The following MNAT1 variants were observed in gnomAD, a reference collection of about 807,000 sequenced individuals.
The protein encoded by MNAT1 is CDK-activating kinase assembly factor MAT1.
A neutral mutation model predicts 42.0 loss-of-function variants in MNAT1; 43 were observed. The ratio of observed to expected loss-of-function variants is 1.02; its 90% CI spans 0.80 to 1.32. The LOEUF is 1.32. MNAT1 is among the 40% of genes most tolerant of loss of function. MNAT1 has a pLI of 0.00. For missense variants in MNAT1, 306 were observed against 350.4 expected (o/e 0.87, Z 1.01); for synonymous variants, 118 against 120.0 (o/e 0.98, Z 0.11).
chr14:60,889,037 A>G (rs368543241), intron 7 of MNAT1, among the ~76,000 whole-genome samples: 1 of 148,148 alleles, frequency 6.8e-6, no homozygotes, highest in East Asian at 2.0e-4. Flanking sequence ...GGTAATTTAT[A>G]GATTCAATGC....
At chr14:60,831,749 C>T (rs1228584545) in intron 6 of MNAT1, among the ~76,000 whole-genome samples, 3 of 152,140 alleles carry the variant, frequency 2.0e-5, no homozygotes, top group African/African-American at 7.2e-5. Context: ...TGAGGAATTG[C>T]CACACTGTCT....
intron 7 of MNAT1, among the ~76,000 whole-genome samples, chr14:60,922,342 G>T (rs1428895057): frequency 6.6e-6 from 1 of 152,054 alleles, no homozygotes; most frequent in Non-Finnish European, 1.5e-5. Context: ...AGAATAGCAG[G>T]TGTGCATATA....
chr14:60,765,860 T>C (rs778888692), intron 1 of MNAT1, among the ~76,000 whole-genome samples: 12 of 152,148 alleles, frequency 7.9e-5, no homozygotes, highest in Non-Finnish European at 1.2e-4. Context: ...TTTATTAAAG[T>C]GTAGAATCCT....
chr14:60,909,363 A>G lies in MNAT1; in HGVS notation c.809+29528A>G, dbSNP rs1233087754. ...TTTGTCAATTTTGGCTTTTGTTGCC[A>G]TTTTTTTTGGTGTTTTAAACATGAA... On this transcript the variant is annotated intron_variant, in intron 7 of 7. Transcript: ENST00000261245. Among the ~76,000 whole-genome samples, 2 of 151,724 alleles carry G rather than the reference A, an allele frequency of 1.3e-5. 1 individual carries two copies. The highest frequency in any genetic ancestry group is 1.3e-4 in the Admixed American group (2 of 15,236).
At chr14:60,916,756 A>T (rs1184380173) in intron 7 of MNAT1, among the ~76,000 whole-genome samples, 1 of 152,206 alleles carries the variant, frequency 6.6e-6, no homozygotes, top group African/African-American at 2.4e-5. Context: ...GTTCCAGATC[A>T]GACTGGGCAA....
At chr14:60,933,195 A>G (rs1368409498) in intron 7 of MNAT1, among the ~76,000 whole-genome samples, 2 of 151,972 alleles carry the variant, frequency 1.3e-5, no homozygotes, top group South Asian at 2.1e-4. Flanking sequence ...CTTAGAATCT[A>G]TTTGTATTAT....
intron 6 of MNAT1, among the ~76,000 whole-genome samples, chr14:60,870,848 G>T (rs2034310208): frequency 6.6e-6 from 1 of 151,986 alleles, no homozygotes; most frequent in Non-Finnish European, 1.5e-5. Context: ...CCAATTTTAG[G>T]ATGTTTTCAT....
intron 7 of MNAT1, among the ~76,000 whole-genome samples, chr14:60,944,520 G>A (rs1270535016): frequency 2.6e-5 from 4 of 152,330 alleles, no homozygotes; most frequent in African/African-American, 7.2e-5. Context: ...GACTTCTATC[G>A]TTTAAGCCAC....
intron 7 of MNAT1, among the ~76,000 whole-genome samples, chr14:60,889,820 C>G (rs534951204): frequency 6.6e-6 from 1 of 152,168 alleles, no homozygotes; most frequent in Non-Finnish European, 1.5e-5. Context: ...CAAAAGAAGA[C>G]GTTTATGCAG....
chr14:60,938,921 G>A (rs1440394826), intron 7 of MNAT1, among the ~76,000 whole-genome samples: 1 of 152,134 alleles, frequency 6.6e-6, no homozygotes, highest in South Asian at 2.1e-4. Context: ...CCTGTTATTG[G>A]TCTATTCAGA....
intron 6 of MNAT1, among the ~76,000 whole-genome samples, chr14:60,819,140 G>A (rs1454380300): frequency 6.6e-6 from 1 of 151,984 alleles, no homozygotes; most frequent in Non-Finnish European, 1.5e-5. Flanking sequence ...ATTGTTTGGA[G>A]AGTAGTTACC....
chr14:60,815,919 A>G (rs566994252), intron 5 of MNAT1, among the ~76,000 whole-genome samples: 40 of 152,224 alleles, frequency 2.6e-4, no homozygotes, highest in Non-Finnish European at 5.3e-4. Flanking sequence ...TAAATGTTAA[A>G]ATACTTTAAA....
intron 1 of MNAT1, among the ~76,000 whole-genome samples, chr14:60,782,274 C>G (rs1246590120): frequency 6.6e-6 from 1 of 151,998 alleles, no homozygotes; most frequent in Non-Finnish European, 1.5e-5. Context: ...CCCAATTTTC[C>G]AGGAAGTTCA....
chr14:60,931,859 T>TA (rs1424139741), intron 7 of MNAT1, among the ~76,000 whole-genome samples: 1 of 151,922 alleles, frequency 6.6e-6, no homozygotes, highest in African/African-American at 2.4e-5. Context: ...AGTTTTTTTT[T>TA]AAAAAAACAA....
At chr14:60,872,173 C>T (rs1043428957) in intron 6 of MNAT1, among the ~76,000 whole-genome samples, 1 of 152,042 alleles carries the variant, frequency 6.6e-6, no homozygotes, top group African/African-American at 2.4e-5. Flanking sequence ...GGAGCAGGCA[C>T]ACGTGGCAAG....
At chr14:60,870,736 T>C (rs895984890) in intron 6 of MNAT1, among the ~76,000 whole-genome samples, 3 of 152,310 alleles carry the variant, frequency 2.0e-5, no homozygotes, top group Admixed American at 2.0e-4. Flanking sequence ...TTTTAATAGC[T>C]TTATCAAGAT....
At chr14:60,852,669 A>G (rs2033853517) in intron 6 of MNAT1, among the ~76,000 whole-genome samples, 1 of 152,082 alleles carries the variant, frequency 6.6e-6, no homozygotes, top group African/African-American at 2.4e-5. Context: ...TAGGGTTTTT[A>G]TGGTTTTGGG....
At chr14:60,754,559 C>T (rs970454348) in intron 1 of MNAT1, among the ~76,000 whole-genome samples, 4 of 151,924 alleles carry the variant, frequency 2.6e-5, no homozygotes, top group Non-Finnish European at 5.9e-5. Flanking sequence ...CCGTGTTAGC[C>T]ACGATGGTCT....
rs539892924 is a variant in MNAT1, at chr14:60,894,895, G to A, written c.809+15060G>A. Reference sequence around the variant, plus strand: ...ACACTTCAAGCAGTAAATCTTGGCCGTAACAGTTTCTTTTAGCCATCTGTG... The same window carrying A: ...ACACTTCAAGCAGTAAATCTTGGCCATAACAGTTTCTTTTAGCCATCTGTG... On this transcript the variant is annotated intron_variant, in intron 7 of 7. Transcript: ENST00000261245. Among the ~76,000 whole-genome samples, 8 of 152,262 alleles carry A rather than the reference G, an allele frequency of 5.3e-5. No homozygotes were observed. The East Asian group carries it at 1.2e-3, about 22-fold the overall frequency.
Sources: allele counts gnomAD v4.1 joint callset (sites outside exome capture counted in the v4.1 genomes callset), GRCh38; gene constraint gnomAD v4.1.1; transcripts MANE v1.5; gene names NCBI Gene and HGNC (gene_info 2026-07-23, HGNC 2026-07-21).